The following DLGAP4 variants were observed in gnomAD, a reference collection of about 807,000 sequenced individuals.
DLGAP4 encodes DLG associated protein 4.
DLGAP4 carries 18 observed loss-of-function variants against 86.9 expected under a neutral mutation model. That is an observed-to-expected ratio of 0.21 (90% CI 0.14 to 0.31). DLGAP4 has a LOEUF of 0.31. DLGAP4 is among the 10% of genes least tolerant of loss of function. DLGAP4 has a pLI of 1.00. For missense variants in DLGAP4, 1,085 were observed against 1,362.6 expected, an observed-to-expected ratio of 0.80 and a Z score of 3.21; for synonymous variants, 548 against 574.3, an observed-to-expected ratio of 0.95 and a Z score of 0.65.
chr20:36,342,009 G>A (rs2065388395), intron 1 of DLGAP4, among the ~76,000 whole-genome samples: 1 of 152,204 alleles, frequency 6.6e-6, no homozygotes, highest in Admixed American at 6.5e-5. Flanking sequence ...GTTGGATCGG[G>A]GTGTCGGGGA....
intron 1 of DLGAP4, among the ~76,000 whole-genome samples, chr20:36,324,666 T>C (rs2065199922): frequency 6.6e-6 from 1 of 152,232 alleles, no homozygotes; most frequent in South Asian, 2.1e-4. Flanking sequence ...TAGTTGTTTG[T>C]AGATCCTCAG....
chr20:36,446,642 C>G, intron 6 of DLGAP4, 55 bp from the exon 7 acceptor site: 1 of 1,526,804 alleles, frequency 6.5e-7, no homozygotes, highest in Non-Finnish European at 8.9e-7. Flanking sequence ...AAGAACCGCT[C>G]CCCCCAGGAT....
chr20:36,426,429 C>T (rs914785634), intron 2 of DLGAP4, among the ~76,000 whole-genome samples: 1 of 151,934 alleles, frequency 6.6e-6, no homozygotes. Context: ...GCACGAGAAT[C>T]GCTTGAACCC....
In DLGAP4 at chr20:36,306,848, G is replaced by A. The variant is rs1399670306; in HGVS notation, c.-304+336G>A. On this transcript the variant is annotated intron_variant, in intron 1 of 12. Transcript: ENST00000339266. This position sits in a 1 kb window ranked among gnomAD's most constrained non-coding sequence, Gnocchi z 4.9. ...GGCTCTTTTTCCCGCGGACTCCCCC[G>A]TACCCCATATCAAGCGGCTGCCAAA... is the stretch of plus-strand genomic sequence containing the variant. Among the ~76,000 whole-genome samples the A allele has an allele frequency of 6.6e-6, 1 of 151,996 alleles. No homozygotes were observed. The highest frequency in any genetic ancestry group is 1.5e-5 in the Non-Finnish European group (1 of 67,940).
At chr20:36,382,372 CT>C (rs1241053687) in intron 2 of DLGAP4, among the ~76,000 whole-genome samples, 2 of 143,754 alleles carry the variant, frequency 1.4e-5, no homozygotes, top group Non-Finnish European at 3.0e-5. Flanking sequence ...GCCACTGTGC[CT>C]GGCCTTTTTT....
At chr20:36,477,106 CT>C (rs113443321) in intron 7 of DLGAP4, among the ~76,000 whole-genome samples, 201 of 143,064 alleles carry the variant, frequency 1.4e-3, no homozygotes, top group Admixed American at 2.0e-3. Flanking sequence ...TCTCTTTTTT[CT>C]TTTTTTTTTT....
At chr20:36,309,146 C>T (rs1158493621) in intron 1 of DLGAP4, among the ~76,000 whole-genome samples, 2 of 152,212 alleles carry the variant, frequency 1.3e-5, no homozygotes, top group African/African-American at 2.4e-5. Flanking sequence ...TGTTTCACTA[C>T]TGCTCATCAC....
intron 8 of DLGAP4, chr20:36,499,178 G>A (rs2036013143): frequency 6.2e-6 from 9 of 1,455,754 alleles, no homozygotes; most frequent in Non-Finnish European, 8.6e-6. Flanking sequence ...GGCTTTGTGT[G>A]TGTGTGTGTG....
chr20:36,504,028 ATTTCT>A (rs1466694143), intron 10 of DLGAP4, among the ~76,000 whole-genome samples: 1 of 152,172 alleles, frequency 6.6e-6, no homozygotes, highest in East Asian at 1.9e-4. Flanking sequence ...ATGTATATTC[ATTTCT>A]TTTGGAGTAG....
At chr20:36,499,038 A>T in intron 8 of DLGAP4, 1 of 562,192 alleles carries the variant, frequency 1.8e-6, no homozygotes, top group Non-Finnish European at 3.1e-6. Context: ...CTGAATCTAG[A>T]ACTGCCGTCC....
rs1457810575 is a variant in DLGAP4 at position 36,472,447 on chromosome 20, G to A, written c.1649-24258G>A. ...GAGCCCAGGAGGTCAAGGCTGTAGT[G>A]AGCTGTTTGTGCCACTGCACTCTAG... On this transcript the variant is annotated intron_variant, in intron 7 of 12. Coordinates refer to ENST00000339266, the MANE Select transcript of DLGAP4 (RefSeq NM_001365621.2). 2.0e-5 allele frequency among the ~76,000 whole-genome samples: 3 copies of A among 149,710 alleles called. No individual in the cohort carries two copies. In the Admixed American group the frequency reaches 2.0e-4, roughly 10 times the overall value.
At chr20:36,446,640 CT>C in intron 6 of DLGAP4, 56 bp from the exon 7 acceptor site, 1 of 1,526,588 alleles carries the variant, frequency 6.6e-7, no homozygotes, top group African/African-American at 1.4e-5. Context: ...CCAAGAACCG[CT>C]CCCCCCAGGA....
intron 1 of DLGAP4, among the ~76,000 whole-genome samples, chr20:36,358,829 A>C (rs1478136310): frequency 6.6e-6 from 1 of 152,104 alleles, no homozygotes; most frequent in Non-Finnish European, 1.5e-5. Flanking sequence ...AAAAAAGAAA[A>C]AGTTAACTTG....
chr20:36,374,803 A>G (rs1375915875), intron 2 of DLGAP4, among the ~76,000 whole-genome samples: 2 of 152,240 alleles, frequency 1.3e-5, no homozygotes, highest in African/African-American at 4.8e-5. Flanking sequence ...ACTGCTAGTT[A>G]GAAAGCTTTT....
At position 36,498,993 on chromosome 20, in the gene DLGAP4, C is replaced by G. The variant is rs1600658496; in HGVS notation, c.2011-595C>G. On this transcript the variant is annotated intron_variant, in intron 8 of 12. Transcript: ENST00000339266. ...AACCTCAGCCAAGTGTGAATAACGT[C>G]CAGGGACTTCGGTGGCTCCTGTGGG... 7.9e-6 allele frequency: 4 copies of G among 505,232 alleles called. No individual in the cohort carries two copies. The East Asian group carries it at 1.4e-4, about 18-fold the overall frequency. 31.3% of individuals were successfully genotyped at this position (505,232 alleles called of 1,614,324 possible).
intron 7 of DLGAP4, among the ~76,000 whole-genome samples, chr20:36,482,773 G>A (rs1376084810): frequency 6.6e-6 from 1 of 152,186 alleles, no homozygotes; most frequent in African/African-American, 2.4e-5. Context: ...CCGGGTTCAA[G>A]TGATCCCCAC....
intron 7 of DLGAP4, among the ~76,000 whole-genome samples, chr20:36,480,604 G>A (rs375684019): frequency 1.8e-4 from 27 of 152,218 alleles, no homozygotes; most frequent in African/African-American, 5.1e-4. Context: ...CTAGCTACTC[G>A]GGAGGCTGAC....
At chr20:36,442,617 GGGA>G in intron 5 of DLGAP4, 107 bp from the exon 6 acceptor site, 1 of 1,207,276 alleles carries the variant, frequency 8.3e-7, no homozygotes, top group South Asian at 1.3e-5. Flanking sequence ...AGCCAGTCTG[GGGA>G]GGAGGTTAGA....
intron 1 of DLGAP4, among the ~76,000 whole-genome samples, chr20:36,325,303 C>T (rs1352798152): frequency 2.0e-5 from 3 of 151,758 alleles, no homozygotes; most frequent in Non-Finnish European, 4.4e-5. Context: ...AGTTTAATTC[C>T]ACTGAGATTA....
Sources: gnomAD v4.1 joint callset for allele counts (sites outside exome capture counted in the v4.1 genomes callset) on GRCh38, gnomAD v4.1.1 for gene constraint, Gnocchi (gnomAD v3.1) non-coding constraint, MANE v1.5 for transcripts, NCBI Gene and HGNC (gene_info 2026-07-23, HGNC 2026-07-21) for gene names.